PLCE1: variants seen among roughly 807,000 people sequenced by gnomAD.
PLCE1 encodes the protein 1-phosphatidylinositol 4,5-bisphosphate phosphodiesterase epsilon-1.
PLCE1 carries 119 observed loss-of-function variants against 242.8 expected under a neutral mutation model. The observed-to-expected ratio is 0.49, with a 90% CI of 0.42 to 0.57. PLCE1 has a LOEUF of 0.57. Ranked by LOEUF, PLCE1 falls within the 20% of genes least tolerant of loss-of-function variation. The pLI, the probability that PLCE1 is intolerant of heterozygous loss-of-function variation, is 0.00. For missense variants in PLCE1, 2,441 were observed against 2,788.8 expected (o/e 0.88, Z 2.81); for synonymous variants, 945 against 1,017.4 (o/e 0.93, Z 1.35).
intron 3 of PLCE1, among the ~76,000 whole-genome samples, chr10:94,160,016 C>T (rs181290374): frequency 6.6e-6 from 1 of 152,278 alleles, no homozygotes; most frequent in East Asian, 1.9e-4. Flanking sequence ...TCTGGTCTAT[C>T]ATTGTTGGAC....
At chr10:94,327,054 C>T (rs962484278) in intron 32 of PLCE1, among the ~76,000 whole-genome samples, 1 of 152,002 alleles carries the variant, frequency 6.6e-6, no homozygotes, top group Non-Finnish European at 1.5e-5. Flanking sequence ...CCCAGCTACT[C>T]GGGAGGCTGA....
At chr10:94,001,702 T>C (rs1185962585) in intron 1 of PLCE1, among the ~76,000 whole-genome samples, 1 of 152,238 alleles carries the variant, frequency 6.6e-6, no homozygotes, top group Non-Finnish European at 1.5e-5. Context: ...TTCAAGTTAC[T>C]GTGATTTCTA....
chr10:94,304,435 G>A (rs561759670), intron 24 of PLCE1, 47 bp from the exon 25 acceptor site: 77 of 1,550,990 alleles, frequency 5.0e-5, no homozygotes, highest in Non-Finnish European at 5.8e-5. Context: ...ATACTTAAGC[G>A]ACAAAGTAAC....
In PLCE1 at chr10:94,223,233, C is replaced by CAAAAAAAAAAAAAAAAA. The variant is rs60764243; in HGVS notation, c.1810-4070_1810-4054dup. On this transcript the variant is annotated intron_variant, in intron 4 of 32. Transcript: ENST00000371380. ...GCAACATAGTGATACTCCATCTCTA[C>CAAAAAAAAAAAAAAAAA]AAAAAAAAAAAAAAAAAAATTGAAT... Among the ~76,000 whole-genome samples, 42 of 90,864 alleles carry CAAAAAAAAAAAAAAAAA rather than the reference C, an allele frequency of 4.6e-4. 1 individual carries two copies. The highest frequency in any genetic ancestry group is 1.7e-3 in the African/African-American group (36 of 20,972). The allele number at this position is 90,864 out of a possible 152,430, so 59.6% of individuals were successfully genotyped here. A position where few individuals can be genotyped will look rare whatever the true frequency, so the allele number is the denominator to read the frequency against.
intron 11 of PLCE1, among the ~76,000 whole-genome samples, chr10:94,255,601 G>T (rs141565877): frequency 3.3e-3 from 510 of 152,314 alleles, no homozygotes; most frequent in African/African-American, 0.012. Context: ...TTTCTCATAT[G>T]TAAGTTATGC....
intron 16 of PLCE1, among the ~76,000 whole-genome samples, chr10:94,266,539 T>G (rs1158336690): frequency 6.6e-6 from 1 of 152,188 alleles, no homozygotes; most frequent in Non-Finnish European, 1.5e-5. Flanking sequence ...AAAAAGTACA[T>G]CCTTTTGACC....
chr10:94,307,351 T>C (rs2053238403), intron 26 of PLCE1, among the ~76,000 whole-genome samples: 1 of 152,172 alleles, frequency 6.6e-6, no homozygotes, highest in South Asian at 2.1e-4. Flanking sequence ...ATGGTCTCCT[T>C]TGAGCACCAA....
chr10:94,152,355 T>C (rs899708893), intron 3 of PLCE1, among the ~76,000 whole-genome samples: 1 of 152,242 alleles, frequency 6.6e-6, no homozygotes, highest in African/African-American at 2.4e-5. Context: ...ATAGTAAGTA[T>C]ACAATGAGTA....
intron 18 of PLCE1, among the ~76,000 whole-genome samples, chr10:94,271,573 C>A (rs964853611): frequency 2.6e-5 from 4 of 152,012 alleles, no homozygotes; most frequent in Non-Finnish European, 1.5e-5. Flanking sequence ...CTCAGCCTCC[C>A]AGAGTGCTGG....
chr10:94,327,940 T>C (rs1298136356), intron 32 of PLCE1, 28 bp from the exon 33 acceptor site: 1 of 528,334 alleles, frequency 1.9e-6, no homozygotes, highest in East Asian at 5.4e-5. Context: ...TTCAGTATAC[T>C]AATAAGCCTC....
chr10:94,250,130 T>TC (rs2050823295), intron 8 of PLCE1, among the ~76,000 whole-genome samples: 2 of 108,610 alleles, frequency 1.8e-5, no homozygotes, highest in East Asian at 2.6e-4. Flanking sequence ...AGACTCTGTC[T>TC]CAAAAAAAAA....
chr10:94,234,465 G>A (rs1284098293), intron 6 of PLCE1, among the ~76,000 whole-genome samples, 153 bp downstream of exon 6: 1 of 152,230 alleles, frequency 6.6e-6, no homozygotes, highest in Non-Finnish European at 1.5e-5. Context: ...ATCCTTGGAA[G>A]TTCTGTAGAA....
chr10:94,190,848 G>C (rs1200920785), intron 4 of PLCE1, among the ~76,000 whole-genome samples: 1 of 152,246 alleles, frequency 6.6e-6, no homozygotes, highest in African/African-American at 2.4e-5. Context: ...TCGTGTGCTA[G>C]ATTGGTGATG....
intron 1 of PLCE1, among the ~76,000 whole-genome samples, chr10:94,016,468 T>G (rs1332502329): frequency 1.3e-5 from 2 of 152,148 alleles, no homozygotes; most frequent in Non-Finnish European, 2.9e-5. Flanking sequence ...ATTTTGTGCA[T>G]AAAGCAAAGT....
intron 3 of PLCE1, among the ~76,000 whole-genome samples, chr10:94,135,240 T>C (rs1356783483): frequency 1.3e-5 from 2 of 152,138 alleles, no homozygotes; most frequent in Non-Finnish European, 2.9e-5. Context: ...ATTACAAATA[T>C]ATATAATTTG....
In PLCE1 at chr10:94,171,451, T is replaced by C; in HGVS notation, c.1764T>C (p.Asn588=). The C allele has an allele frequency of 6.2e-7, 1 of 1,614,208 alleles. No homozygotes were observed. The highest frequency in any genetic ancestry group is 1.1e-5 in the South Asian group (1 of 91,082). Residue 588 remains asparagine, a synonymous_variant, in exon 4 of 33, where the codon AAT becomes AAC. Coordinates refer to ENST00000371380, the MANE Select transcript of PLCE1 (RefSeq NM_016341.4). ...SISASILTTQ[N]GEHNALEDLV... ...CAGCGTCGATTCTTACCACTCAGAA[T>C]GGAGAGCACAATGCCCTTGAAGATC...
rs1371080797 is a variant in PLCE1, at chr10:94,220,373, ATT to A, written c.1810-6930_1810-6929del. 3.7e-3 allele frequency among the ~76,000 whole-genome samples: 171 copies of A among 46,716 alleles called. 1 individual carries two copies. Among genetic ancestry groups the A allele is most frequent in the Admixed American group, 0.011 (35 of 3,142 alleles). The allele number at this position is 46,716 out of a possible 152,430, so 30.6% of individuals were successfully genotyped here. A position where few individuals can be genotyped will look rare whatever the true frequency, so the allele number is the denominator to read the frequency against. Reference sequence around the variant, plus strand: ...AGAAATAAAAGCTTAAAAACTAAACATTTTATATATATATATATATATATATA... The same window carrying A: ...AGAAATAAAAGCTTAAAAACTAAACATTATATATATATATATATATATATA... On this transcript the variant is annotated intron_variant, in intron 4 of 32. Transcript: ENST00000371380.
At chr10:94,175,885 G>A (rs1315602420) in intron 4 of PLCE1, among the ~76,000 whole-genome samples, 1 of 152,098 alleles carries the variant, frequency 6.6e-6, no homozygotes, top group African/African-American at 2.4e-5. Flanking sequence ...AATTCATGTT[G>A]TTGCAAATTA....
In PLCE1 at chr10:94,297,590, TAAAAAAAAAAAAAA is replaced by T. The variant is rs71031568; in HGVS notation, c.5168-765_5168-752del. Reference sequence around the variant, plus strand: ...AGGCCTGCCCCAAACTTTAAATTTGTAAAAAAAAAAAAAAAAAAAAAAAAAAAAAAAAAAAAAGT... The same window carrying T: ...AGGCCTGCCCCAAACTTTAAATTTGTAAAAAAAAAAAAAAAAAAAAAAAGT... On this transcript the variant is annotated intron_variant, in intron 23 of 32. Coordinates refer to ENST00000371380, the MANE Select transcript of PLCE1 (RefSeq NM_016341.4). Among the ~76,000 whole-genome samples, 90 of 56,580 alleles carry T rather than the reference TAAAAAAAAAAAAAA, an allele frequency of 1.6e-3. 2 individuals are homozygous for T. The highest frequency in any genetic ancestry group is 0.01 in the East Asian group (18 of 1,790). 37.1% of individuals were successfully genotyped at this position (56,580 alleles called of 152,430 possible).
Sources: gnomAD v4.1 joint callset for allele counts (sites outside exome capture counted in the v4.1 genomes callset) on GRCh38, gnomAD v4.1.1 for gene constraint, MANE v1.5 for transcripts, NCBI Gene and HGNC (gene_info 2026-07-23, HGNC 2026-07-21) for gene names.